Variants in TIAM2 observed in about 807,000 individuals in gnomAD.
TIAM2 encodes rho guanine nucleotide exchange factor TIAM2.
TIAM2 carries 80 observed loss-of-function variants against 152.9 expected under a neutral mutation model. That is an observed-to-expected ratio of 0.52 (90% CI 0.44 to 0.63). TIAM2 has a LOEUF of 0.63. Among genes scored for constraint, TIAM2 ranks in the 30% least tolerant of loss-of-function variants. The probability of loss-of-function intolerance (pLI) is 0.00; values close to 1 mark genes in which losing one functional copy is unlikely to be tolerated. For synonymous variants in TIAM2, 804 were observed against 838.0 expected, an observed-to-expected ratio of 0.96 and a Z score of 0.70; for missense variants, 1,965 against 2,120.1, an observed-to-expected ratio of 0.93 and a Z score of 1.44.
At chr6:155,039,541 A>G (rs2114904089) in intron 1 of TIAM2, among the ~76,000 whole-genome samples, 1 of 151,836 alleles carries the variant, frequency 6.6e-6, no homozygotes, top group South Asian at 2.1e-4. Context: ...ATAGCTAGGT[A>G]AAAGTTGCCA....
chr6:155,150,903 G>A (rs911898473), intron 7 of TIAM2, among the ~76,000 whole-genome samples: 4 of 152,166 alleles, frequency 2.6e-5, no homozygotes, highest in African/African-American at 4.8e-5. Flanking sequence ...GAAAGACACC[G>A]TAACTTAATG....
intron 15 of TIAM2, among the ~76,000 whole-genome samples, chr6:155,229,150 C>T (rs1251807026): frequency 1.3e-5 from 2 of 152,140 alleles, no homozygotes; most frequent in Non-Finnish European, 2.9e-5. Context: ...ATAGCCCTCG[C>T]CACTTTATTG....
chr6:155,256,598 A>G lies in TIAM2; in HGVS notation c.4583A>G (p.Gln1528Arg), dbSNP rs771688129. The G allele has an allele frequency of 6.2e-7, 1 of 1,614,102 alleles. No individual in the cohort carries two copies. Among genetic ancestry groups the G allele is most frequent in the Non-Finnish European group, 8.5e-7 (1 of 1,179,946 alleles). The change falls in exon 27 of 27, where the codon CAG becomes CGG. Residue 1528 changes from glutamine to arginine, a missense_variant. Coordinates refer to ENST00000682666, the MANE Select transcript of TIAM2 (RefSeq NM_012454.4). ...SDEGSLSSGT[Q>R]SSGCPTAEGR... is the part of the protein sequence containing the mutation. Reference sequence around the variant, plus strand: ...GAGGGCAGCTTGAGCAGCGGCACCCAGAGCAGCGGCTGCCCCACGGCTGAG... The same window carrying G: ...GAGGGCAGCTTGAGCAGCGGCACCCGGAGCAGCGGCTGCCCCACGGCTGAG...
chr6:155,049,567 G>A (rs1341280307), intron 1 of TIAM2, among the ~76,000 whole-genome samples: 2 of 152,104 alleles, frequency 1.3e-5, no homozygotes, highest in South Asian at 2.1e-4. Flanking sequence ...AAGTCTTGGC[G>A]TGCCTGCTGC....
Position 155,253,316 on chromosome 6 carries a change from T to A in TIAM2, c.4225+263T>A, listed in dbSNP as rs1024345732. On this transcript the variant is annotated intron_variant, in intron 24 of 26. Transcript: ENST00000682666. ...CAATAGTTTTCAACATTTTCCTTTC[T>A]GCCTTGATACCCTAAAATGTGTTAG... 2.7e-5 allele frequency: 12 copies of A among 445,674 alleles called. No individual in the cohort carries two copies. In the Admixed American group the frequency reaches 4.5e-4, roughly 17 times the overall value. The allele number at this position is 445,674 out of a possible 1,614,324, so 27.6% of individuals were successfully genotyped here.
intron 1 of TIAM2, among the ~76,000 whole-genome samples, chr6:155,042,204 G>T (rs1046002368): frequency 2.6e-5 from 4 of 151,696 alleles, no homozygotes; most frequent in Admixed American, 6.6e-5. Context: ...CCGCAGACCC[G>T]CCCCCGCCCC....
intron 4 of TIAM2, among the ~76,000 whole-genome samples, chr6:155,132,202 C>T (rs1779465242): frequency 6.8e-6 from 1 of 146,994 alleles, no homozygotes; most frequent in Non-Finnish European, 1.5e-5. Flanking sequence ...CTGTATAAGT[C>T]ATGGAGTTGA....
In TIAM2 at chr6:155,137,719, G is replaced by A. The variant is rs1779588865; in HGVS notation, c.1630+107G>A. 15 of 1,253,048 alleles carry A rather than the reference G, an allele frequency of 1.2e-5. No individual in the cohort carries two copies. In the South Asian group the frequency reaches 2.2e-4, roughly 18 times the overall value. 77.6% of individuals were successfully genotyped at this position (1,253,048 alleles called of 1,614,324 possible). A position where few individuals can be genotyped will look rare whatever the true frequency, so the allele number is the denominator to read the frequency against. ...GCATTGATTTGAGTTCACATGAGGG[G>A]TTTGACACAGGATCCATGGGCTGCC... On this transcript the variant is annotated intron_variant, in intron 5 of 26. Coordinates refer to ENST00000682666, the MANE Select transcript of TIAM2 (RefSeq NM_012454.4).
intron 2 of TIAM2, among the ~76,000 whole-genome samples, chr6:155,096,856 G>A: frequency 6.6e-6 from 1 of 152,092 alleles, no homozygotes; most frequent in Non-Finnish European, 1.5e-5. Flanking sequence ...CTTTCTTTTG[G>A]ATCTATACCC....
intron 1 of TIAM2, among the ~76,000 whole-genome samples, chr6:155,014,562 T>G (rs58297387): frequency 6.6e-4 from 100 of 152,330 alleles, no homozygotes; most frequent in African/African-American, 2.3e-3. Flanking sequence ...GATTCTTTGC[T>G]GTTTGTATCA....
intron 1 of TIAM2, among the ~76,000 whole-genome samples, chr6:155,081,845 C>A (rs1473669112): frequency 2.0e-5 from 3 of 152,046 alleles, no homozygotes; most frequent in Non-Finnish European, 2.9e-5. Flanking sequence ...CACTTGAATC[C>A]CTCTTGTAGG....
intron 2 of TIAM2, among the ~76,000 whole-genome samples, chr6:155,115,361 TG>T (rs1778984202): frequency 6.6e-6 from 1 of 151,868 alleles, no homozygotes; most frequent in South Asian, 2.1e-4. Flanking sequence ...TGCATTAAAA[TG>T]GCCTGGTGTG....
chr6:155,129,828 C>T lies in TIAM2; in HGVS notation c.605C>T (p.Pro202Leu). The change falls in exon 4 of 27, where the codon CCT becomes CTT. Residue 202 changes from proline (P) to leucine (L), a missense_variant. Physicochemically the swap from Pro to Leu is moderately conservative, Grantham distance 98. This residue lies in a region of TIAM2 where 1,025 missense variants were observed against 1,119.4 expected (regional missense o/e 0.92). Transcript: ENST00000682666. This position sits in a 1 kb window ranked among gnomAD's most constrained non-coding sequence, Gnocchi z 4.8. ...SEPVQLLRYS[P>L]TLASETSPVP... ...CCGGTGCAGCTGCTGAGGTACTCACCTACCTTAGCATCGGAAACCTCCCCT... is the reference window on the plus strand; with the variant it reads ...CCGGTGCAGCTGCTGAGGTACTCACTTACCTTAGCATCGGAAACCTCCCCT... 2 of 1,613,684 alleles carry T rather than the reference C, an allele frequency of 1.2e-6. No homozygotes were observed. Among genetic ancestry groups the T allele is most frequent in the South Asian group, 1.1e-5 (1 of 91,082 alleles).
chr6:155,104,705 C>T (rs897995207), intron 2 of TIAM2, among the ~76,000 whole-genome samples: 3 of 149,036 alleles, frequency 2.0e-5, no homozygotes, highest in Non-Finnish European at 3.0e-5. Context: ...TGCCGTGAGC[C>T]GAGATCGTGC....
intron 4 of TIAM2, among the ~76,000 whole-genome samples, chr6:155,132,715 T>C (rs1583207244): frequency 6.6e-6 from 1 of 152,372 alleles, no homozygotes. Flanking sequence ...TCAAGTGTTA[T>C]GGTGCCCACC....
At chr6:155,192,820 G>A (rs967680616) in intron 14 of TIAM2, among the ~76,000 whole-genome samples, 1 of 152,144 alleles carries the variant, frequency 6.6e-6, no homozygotes, top group Non-Finnish European at 1.5e-5. Context: ...CATGTAGTTG[G>A]AAAAGGGAGG....
chr6:155,203,041 T>C (rs1781513259), intron 14 of TIAM2, among the ~76,000 whole-genome samples: 2 of 67,364 alleles, frequency 3.0e-5, no homozygotes, highest in South Asian at 5.1e-4. Context: ...AGAGCAAAAC[T>C]CTGTCTCAAA....
At chr6:155,169,027 G>T (rs1780511250) in intron 9 of TIAM2, 6 of 1,063,698 alleles carry the variant, frequency 5.6e-6, no homozygotes, top group Non-Finnish European at 6.6e-6. Context: ...ACGGAGTCTG[G>T]CTCTGTTGCC....
intron 1 of TIAM2, among the ~76,000 whole-genome samples, chr6:155,053,085 AT>A (rs1777355817): frequency 6.6e-6 from 1 of 152,148 alleles, no homozygotes; most frequent in South Asian, 2.1e-4. Context: ...ACTTTTTATG[AT>A]ATAATAGGAT....
Sources: gnomAD v4.1 joint callset for allele counts (sites outside exome capture counted in the v4.1 genomes callset) on GRCh38, gnomAD v4.1.1 for gene constraint, gnomAD v4.1.1 regional missense constraint, Gnocchi (gnomAD v3.1) non-coding constraint, MANE v1.5 for transcripts, NCBI Gene and HGNC (gene_info 2026-07-23, HGNC 2026-07-21) for gene names.